EVC2: variants seen among roughly 807,000 people sequenced by gnomAD.
The protein encoded by EVC2 is EvC ciliary complex subunit 2.
A neutral mutation model predicts 149.3 loss-of-function variants in EVC2; 148 were observed. The observed-to-expected ratio is 0.99, with a 90% CI of 0.87 to 1.14. The LOEUF is 1.14. Among genes scored for constraint, EVC2 ranks in the 50% most tolerant of loss-of-function variants. The pLI, the probability that EVC2 is intolerant of heterozygous loss-of-function variation, is 0.00. For missense variants in EVC2, 1,854 were observed against 1,627.3 expected (o/e 1.14, Z -2.40); for synonymous variants, 776 against 649.9 (o/e 1.19, Z -2.95).
intron 17 of EVC2, among the ~76,000 whole-genome samples, chr4:5,578,044 G>A (rs1723039153): frequency 6.6e-6 from 1 of 152,188 alleles, no homozygotes; most frequent in Admixed American, 6.5e-5. Flanking sequence ...TGGAATAGAG[G>A]TGGAAATGTG....
intron 1 of EVC2, among the ~76,000 whole-genome samples, chr4:5,706,357 C>CATAGATAGATAGATAGATAGATAGATAG (rs1218313634): frequency 2.5e-4 from 1 of 4,022 alleles, no homozygotes; most frequent in Non-Finnish European, 4.7e-4. Context: ...TAGATAGACA[C>CATAGATAGATAGATAGATAGATAGATAG]ATAGATAGAT....
intron 1 of EVC2, among the ~76,000 whole-genome samples, chr4:5,702,640 A>G (rs1040799216): frequency 3.3e-5 from 5 of 152,244 alleles, no homozygotes; most frequent in African/African-American, 1.2e-4. Flanking sequence ...ATACATGGCT[A>G]CTGTAGTGGA....
rs973152602 is a variant in EVC2 at position 5,637,285 on chromosome 4, G to A, written c.1470+3229C>T. On this transcript the variant is annotated intron_variant, in intron 10 of 21. Coordinates refer to ENST00000344408, the MANE Select transcript of EVC2 (RefSeq NM_147127.5). The surrounding 1 kb of genome is among the most constrained non-coding windows in gnomAD (Gnocchi z 4.4). ...CACATGGGGCGCACAGCAGGGGGACGTAACCTCCACTGCAGGAGGGGGCAG... is the reference window on the plus strand; with the variant it reads ...CACATGGGGCGCACAGCAGGGGGACATAACCTCCACTGCAGGAGGGGGCAG... Among the ~76,000 whole-genome samples the A allele has an allele frequency of 1.7e-4, 26 of 152,314 alleles. No homozygotes were observed. In the East Asian group the frequency reaches 1.7e-3, roughly 10 times the overall value.
intron 9 of EVC2, among the ~76,000 whole-genome samples, chr4:5,645,471 C>G (rs1452108597): frequency 6.6e-6 from 1 of 152,118 alleles, no homozygotes; most frequent in Non-Finnish European, 1.5e-5. Context: ...TACATGTGTT[C>G]TCATCATTTA....
chr4:5,538,857 T>C (rs1721464352), downstream of EVC2, among the ~76,000 whole-genome samples: 1 of 152,096 alleles, frequency 6.6e-6, no homozygotes, highest in Admixed American at 6.6e-5. Flanking sequence ...CCACAGCTAA[T>C]ATCATACTCA....
chr4:5,585,085 C>T (rs1442165607), intron 16 of EVC2, among the ~76,000 whole-genome samples: 4 of 152,124 alleles, frequency 2.6e-5, no homozygotes, highest in African/African-American at 9.7e-5. Context: ...GTATCATCCT[C>T]AAGAGTCACC....
chr4:5,693,663 GC>G (rs1009572571), intron 3 of EVC2, among the ~76,000 whole-genome samples: 10 of 152,228 alleles, frequency 6.6e-5, no homozygotes, highest in African/African-American at 2.4e-4. Flanking sequence ...TGTGACAGCA[GC>G]CCCAGGAAAT....
downstream of EVC2, among the ~76,000 whole-genome samples, chr4:5,560,707 T>C (rs1286427308): frequency 1.3e-5 from 2 of 152,212 alleles, no homozygotes; most frequent in Non-Finnish European, 2.9e-5. The surrounding 1 kb of genome is among the most constrained non-coding windows in gnomAD (Gnocchi z 4.1). Flanking sequence ...GCTACCTTAT[T>C]GCACACCAAC....
intron 9 of EVC2, among the ~76,000 whole-genome samples, chr4:5,648,593 C>T (rs981403146): frequency 3.9e-5 from 6 of 152,148 alleles, no homozygotes; most frequent in Admixed American, 3.9e-4. Flanking sequence ...AAACAGAAGG[C>T]ACACAGCACA....
chr4:5,533,203 G>A, the EVC2 span, among the ~76,000 whole-genome samples: 1 of 152,114 alleles, frequency 6.6e-6, no homozygotes, highest in Non-Finnish European at 1.5e-5. Flanking sequence ...GGGTTGGGGA[G>A]GAGGTGGGGT....
At chr4:5,688,417 C>A (rs563605028) in intron 5 of EVC2, among the ~76,000 whole-genome samples, 1 of 152,148 alleles carries the variant, frequency 6.6e-6, no homozygotes, top group South Asian at 2.1e-4. Flanking sequence ...AGCCCTATGA[C>A]CTCGGGCAAG....
chr4:5,649,441 C>T (rs1717957570), intron 9 of EVC2, among the ~76,000 whole-genome samples: 1 of 152,156 alleles, frequency 6.6e-6, no homozygotes, highest in Non-Finnish European at 1.5e-5. Flanking sequence ...TATCCAAAAA[C>T]TGATTAATAT....
chr4:5,663,279 G>T (rs1372003949), intron 8 of EVC2, 33 bp from the exon 9 acceptor site: 1 of 1,613,224 alleles, frequency 6.2e-7, no homozygotes, highest in Non-Finnish European at 8.5e-7. Context: ...ATAATTGATT[G>T]GGCCTTCTTG....
chr4:5,702,525 A>G (rs1176381919), intron 1 of EVC2, among the ~76,000 whole-genome samples: 1 of 152,244 alleles, frequency 6.6e-6, no homozygotes, highest in African/African-American at 2.4e-5. Context: ...AACTTCCAGT[A>G]GAATGGTCTG....
chr4:5,678,519 T>A (rs1231021137), intron 7 of EVC2, among the ~76,000 whole-genome samples: 1 of 152,200 alleles, frequency 6.6e-6, no homozygotes. Context: ...CAGGCATGCA[T>A]CACCTAACAA....
intron 10 of EVC2, among the ~76,000 whole-genome samples, chr4:5,639,761 C>T (rs1320907924): frequency 6.6e-6 from 1 of 152,232 alleles, no homozygotes; most frequent in Non-Finnish European, 1.5e-5. Context: ...ATGCCCTCTA[C>T]AGACGTGCTC....
At chr4:5,585,293 C>T (rs933857307) in intron 16 of EVC2, among the ~76,000 whole-genome samples, 11 of 152,152 alleles carry the variant, frequency 7.2e-5, no homozygotes, top group Non-Finnish European at 1.0e-4. Context: ...CCCAGCTGTG[C>T]GCTGTGCTCT....
At chr4:5,703,695 C>G (rs998609060) in intron 1 of EVC2, among the ~76,000 whole-genome samples, 20 of 152,096 alleles carry the variant, frequency 1.3e-4, no homozygotes, top group Admixed American at 7.9e-4. Context: ...AACGAGACAT[C>G]AAAAGTTCTA....
At chr4:5,575,036 C>G (rs956435750) in intron 18 of EVC2, among the ~76,000 whole-genome samples, 2 of 152,158 alleles carry the variant, frequency 1.3e-5, no homozygotes, top group Non-Finnish European at 2.9e-5. Flanking sequence ...TTTCCTATGG[C>G]TTTACAGGGT....
Sources: allele counts gnomAD v4.1 joint callset (sites outside exome capture counted in the v4.1 genomes callset), GRCh38; gene constraint gnomAD v4.1.1; non-coding constraint Gnocchi (gnomAD v3.1); transcripts MANE v1.5; gene names NCBI Gene and HGNC (gene_info 2026-07-23, HGNC 2026-07-21).